CEP170: variants seen among roughly 807,000 people sequenced by gnomAD.
CEP170 encodes the protein centrosomal protein 170.
CEP170 carries 21 observed loss-of-function variants against 151.9 expected under a neutral mutation model. The ratio of observed to expected loss-of-function variants is 0.14; its 90% CI spans 0.10 to 0.20. CEP170 has a LOEUF of 0.20. Among genes scored for constraint, CEP170 ranks in the 10% least tolerant of loss-of-function variants. The pLI is 1.00. For synonymous variants in CEP170, 356 were observed against 648.8 expected, an observed-to-expected ratio of 0.55 and a Z score of 6.86; for missense variants, 964 against 1,892.9, an observed-to-expected ratio of 0.51 and a Z score of 9.11.
chr1:243,173,279 C>T (rs1423821131), intron 10 of CEP170, among the ~76,000 whole-genome samples: 2 of 151,408 alleles, frequency 1.3e-5, no homozygotes, highest in Non-Finnish European at 2.9e-5. Flanking sequence ...AGGCTGGTCT[C>T]GAACTCCCGA....
chr1:243,133,350 G>T (rs2054639704), intron 17 of CEP170, among the ~76,000 whole-genome samples: 1 of 152,252 alleles, frequency 6.6e-6, no homozygotes, highest in African/African-American at 2.4e-5. Context: ...ATCATTCAAT[G>T]AATGAATGAG....
chr1:243,204,632 C>T (rs1179253949), intron 4 of CEP170, among the ~76,000 whole-genome samples: 1 of 152,124 alleles, frequency 6.6e-6, no homozygotes, highest in South Asian at 2.1e-4. Flanking sequence ...AGTGGTTTCT[C>T]CTTAGTCTCT....
At chr1:243,186,164 C>T (rs2059925065) in intron 9 of CEP170, 92 bp from the exon 10 acceptor site, 9 of 1,613,132 alleles carry the variant, frequency 5.6e-6, no homozygotes, top group Admixed American at 1.7e-5. Context: ...AGTTTCCTGA[C>T]ACAAGATTCC....
intron 16 of CEP170, among the ~76,000 whole-genome samples, chr1:243,138,823 A>T (rs1314256952): frequency 2.0e-5 from 3 of 152,172 alleles, no homozygotes; most frequent in African/African-American, 7.2e-5. Flanking sequence ...TCTTGTACAT[A>T]TACTAGCAAG....
At chr1:243,127,235 T>C (rs1425144285) in intron 19 of CEP170, among the ~76,000 whole-genome samples, 1 of 152,154 alleles carries the variant, frequency 6.6e-6, no homozygotes, top group Non-Finnish European at 1.5e-5. Flanking sequence ...GCTAGGGTTA[T>C]CAGCTGTATA....
chr1:243,186,448 T>C (rs753795704), intron 8 of CEP170, 26 bp from the exon 9 acceptor site: 16 of 1,562,396 alleles, frequency 1.0e-5, no homozygotes, highest in South Asian at 8.6e-5. Flanking sequence ...AAACACACAA[T>C]AGAGAAGGAA....
chr1:243,216,078 C>T (rs1190806860), intron 3 of CEP170, among the ~76,000 whole-genome samples: 1 of 151,686 alleles, frequency 6.6e-6, no homozygotes, highest in African/African-American at 2.4e-5. Flanking sequence ...CTAGAATTTG[C>T]TAAATTTATA....
chr1:243,240,487 A>C (rs966547018), intron 1 of CEP170, among the ~76,000 whole-genome samples: 1 of 152,188 alleles, frequency 6.6e-6, no homozygotes, highest in Admixed American at 6.5e-5. Context: ...GATCACCTTA[A>C]GCTAATGGCT....
At chr1:243,229,265 T>C (rs187586664) in intron 1 of CEP170, among the ~76,000 whole-genome samples, 8 of 152,346 alleles carry the variant, frequency 5.3e-5, no homozygotes, top group East Asian at 3.9e-4. Flanking sequence ...CCAGATGTGA[T>C]AGCAGGTATA....
chr1:243,239,236 CT>C (rs1301587903), intron 1 of CEP170, among the ~76,000 whole-genome samples: 1 of 152,188 alleles, frequency 6.6e-6, no homozygotes, highest in Non-Finnish European at 1.5e-5. Context: ...TTCTCCCCGT[CT>C]TAGCGAATGG....
chr1:243,253,542 C>T (rs918100651), intron 1 of CEP170, among the ~76,000 whole-genome samples: 2 of 152,168 alleles, frequency 1.3e-5, no homozygotes, highest in Admixed American at 1.3e-4. Flanking sequence ...CTAAAGGCAG[C>T]CCTAGTTTTA....
At chr1:243,138,192 A>G (rs915307865) in intron 16 of CEP170, among the ~76,000 whole-genome samples, 3 of 152,234 alleles carry the variant, frequency 2.0e-5, no homozygotes, top group Non-Finnish European at 4.4e-5. Flanking sequence ...CTCTTTAAAA[A>G]CATACACTTC....
intron 4 of CEP170, among the ~76,000 whole-genome samples, chr1:243,210,480 G>A (rs569385336): frequency 1.3e-5 from 2 of 151,454 alleles, no homozygotes; most frequent in Non-Finnish European, 2.9e-5. Flanking sequence ...ATATATACAA[G>A]TATTACTATT....
chr1:243,159,710 G>A (rs928101726), intron 13 of CEP170, among the ~76,000 whole-genome samples: 4 of 149,568 alleles, frequency 2.7e-5, no homozygotes, highest in Non-Finnish European at 3.0e-5. Flanking sequence ...AGTTCAAAAC[G>A]AATTCTCTGT....
At chr1:243,255,593 AT>A (rs1439495288), upstream of CEP170, among the ~76,000 whole-genome samples, 8 of 152,336 alleles carry the variant, frequency 5.3e-5, no homozygotes, top group East Asian at 1.4e-3. Context: ...TGTTTGGAAG[AT>A]TTAGAGCTTC....
In CEP170 at chr1:243,191,267, T is replaced by C. The variant is rs562848335; in HGVS notation, c.859A>G (p.Ser287Gly). 6.2e-7 allele frequency: 1 copy of C among 1,611,706 alleles called. No homozygotes were observed. Among genetic ancestry groups the C allele is most frequent in the East Asian group, 2.2e-5 (1 of 44,858 alleles). Reference sequence around the variant, plus strand: ...CTAATAGTTACCTTCCCTGGGGTACTGTCATCAAATTCAATGGTAAATGAA... The same window carrying C: ...CTAATAGTTACCTTCCCTGGGGTACCGTCATCAAATTCAATGGTAAATGAA... ...HASFTIEFDD[S>G]TPGKVTIRDH... The change falls in exon 8 of 20, where the codon AGT becomes GGT. Residue 287 changes from serine to glycine, a missense_variant. Ser to Gly is a moderately conservative substitution (Grantham distance 56). Transcript: ENST00000366542.
rs747765378 is a variant in CEP170 at position 243,165,235 on chromosome 1, G to A, written c.2725C>T (p.Arg909Cys). 2.8e-5 allele frequency: 45 copies of A among 1,601,910 alleles called. No homozygotes were observed. The highest frequency in any genetic ancestry group is 6.7e-5 in the East Asian group (3 of 44,832). Residue 909 changes from arginine (R) to cysteine (C), a missense_variant, in exon 13 of 20, where the codon CGT (arginine) becomes TGT (cysteine). Transcript: ENST00000366542. ...CCTTCATCAGTTTTATTATCTTCAC[G>A]TAGTTTAGCTTCTAGAAAAGCCATT... ...AVMAFLEAKL[R>C]EDNKTDEGPD...
In CEP170 at chr1:243,205,465, T is replaced by C. The variant is rs530461345; in HGVS notation, c.275-4630A>G. Among the ~76,000 whole-genome samples, 311 of 152,296 alleles carry C rather than the reference T, an allele frequency of 2.0e-3. 6 individuals carry two copies. Among genetic ancestry groups the C allele is most frequent in the Non-Finnish European group, 5.1e-4 (35 of 68,026 alleles). The stretch of plus-strand genomic sequence containing the variant: ...TAGAGCAAAAGTGGCCACAGAAATA[T>C]GTTAATAGATTGGGCATAGCGATGT... On this transcript the variant is annotated intron_variant, in intron 4 of 19. Transcript: ENST00000366542.
At chr1:243,247,503 G>A (rs1302023568) in intron 1 of CEP170, among the ~76,000 whole-genome samples, 6 of 152,060 alleles carry the variant, frequency 3.9e-5, no homozygotes, top group Non-Finnish European at 7.4e-5. Flanking sequence ...ACAGGCCTGC[G>A]CCACCACGCC....
Sources: allele counts gnomAD v4.1 joint callset (sites outside exome capture counted in the v4.1 genomes callset), GRCh38; gene constraint gnomAD v4.1.1; transcripts MANE v1.5; gene names NCBI Gene and HGNC (gene_info 2026-07-23, HGNC 2026-07-21).